Variants in RYR2 observed in about 807,000 individuals in gnomAD.
RYR2 encodes the protein cardiac muscle ryanodine receptor-calcium release channel.
A neutral mutation model predicts 601.1 loss-of-function variants in RYR2; 227 were observed. The observed-to-expected ratio is 0.38, with a 90% confidence interval of 0.34 to 0.42. RYR2 has a LOEUF of 0.42. Among genes scored for constraint, RYR2 ranks in the 10% least tolerant of loss-of-function variants. The pLI, the probability that RYR2 is intolerant of heterozygous loss-of-function variation, is 1.00. For synonymous variants in RYR2, 2,223 were observed against 2,175.1 expected (o/e 1.02, Z -0.61); for missense variants, 4,646 against 6,156.5 (o/e 0.75, Z 8.21).
chr1:237,596,290 T>C (rs936133101), intron 34 of RYR2, among the ~76,000 whole-genome samples: 1 of 152,138 alleles, frequency 6.6e-6, no homozygotes, highest in Non-Finnish European at 1.5e-5. Context: ...ATGCAGATAC[T>C]TCAACAAGAT....
Position 237,784,087 on chromosome 1 carries a change from C to T in RYR2, c.12375C>T (p.Val4125=). The change falls in exon 90 of 105, where the codon GTC becomes GTT. Residue 4125 remains valine, a synonymous_variant. Coordinates refer to ENST00000366574, the MANE Select transcript of RYR2 (RefSeq NM_001035.3). This position sits in a 1 kb window ranked among gnomAD's most constrained non-coding sequence, Gnocchi z 7.1. ...CTTTTCTGGAATTAGCAGAGAGCGTCCTGAATTATTTCCAGCCCTTTCTGG... is the reference window on the plus strand; with the variant it reads ...CTTTTCTGGAATTAGCAGAGAGCGTTCTGAATTATTTCCAGCCCTTTCTGG... ...LQTFLELAES[V]LNYFQPFLGR... 1.2e-6 allele frequency: 2 copies of T among 1,613,996 alleles called. No homozygotes were observed. Among genetic ancestry groups the T allele is most frequent in the Non-Finnish European group, 1.7e-6 (2 of 1,179,890 alleles).
At chr1:237,669,285 C>T (rs1684622213) in intron 58 of RYR2, among the ~76,000 whole-genome samples, 1 of 152,162 alleles carries the variant, frequency 6.6e-6, no homozygotes. Context: ...TCTTTCTACA[C>T]AGACACGGCA....
At chr1:237,414,581 A>G (rs996056101) in intron 10 of RYR2, among the ~76,000 whole-genome samples, 1 of 152,242 alleles carries the variant, frequency 6.6e-6, no homozygotes, top group African/African-American at 2.4e-5. Context: ...TTTATGGGGT[A>G]CAATATGATA....
At chr1:237,387,184 A>G (rs1191190426) in intron 8 of RYR2, 97 bp from the exon 9 acceptor site, 3 of 1,060,878 alleles carry the variant, frequency 2.8e-6, no homozygotes, top group Admixed American at 1.7e-5. Context: ...TATGAACATA[A>G]CCAAATCAGC....
chr1:237,148,505 G>A (rs1674263150), intron 1 of RYR2, among the ~76,000 whole-genome samples: 1 of 80,840 alleles, frequency 1.2e-5, no homozygotes, highest in Non-Finnish European at 2.4e-5. Flanking sequence ...ATGTATCCCA[G>A]AACTTCAAGT....
In RYR2 at chr1:237,687,454, G is replaced by A; in HGVS notation, c.9018-1G>A. ...CTCTTTTGTTTTTCTTTTGTCTTCA[G>A]CCTATTCTGCAAACTTGGAGTTCTT... is the stretch of plus-strand genomic sequence containing the variant. On this transcript the variant is annotated splice_acceptor_variant, in intron 62 of 104. Transcript: ENST00000366574. LOFTEE classifies it high-confidence loss of function. 6.5e-7 allele frequency: 1 copy of A among 1,530,654 alleles called. No homozygotes were observed. Among genetic ancestry groups the A allele is most frequent in the Non-Finnish European group, 8.8e-7 (1 of 1,131,860 alleles). 94.8% of individuals were successfully genotyped at this position (1,530,654 alleles called of 1,614,324 possible).
intron 58 of RYR2, among the ~76,000 whole-genome samples, chr1:237,668,937 A>C (rs1187607275): frequency 6.6e-6 from 1 of 151,768 alleles, no homozygotes. Context: ...GGGATTTGGC[A>C]GGGTCATAGG....
chr1:237,723,308 A>T, intron 74 of RYR2, 46 bp downstream of exon 74: 5 of 1,494,544 alleles, frequency 3.3e-6, no homozygotes, highest in Non-Finnish European at 4.6e-6. Flanking sequence ...AGCCACATAC[A>T]AATATTTTAA....
intron 37 of RYR2, among the ~76,000 whole-genome samples, chr1:237,616,330 C>T (rs1441872756): frequency 6.6e-6 from 1 of 152,188 alleles, no homozygotes; most frequent in African/African-American, 2.4e-5. Context: ...TTTCTACCAA[C>T]ATACTCACTC....
At chr1:237,576,487 G>A (rs932339381) in intron 29 of RYR2, among the ~76,000 whole-genome samples, 4 of 152,116 alleles carry the variant, frequency 2.6e-5, no homozygotes, top group Non-Finnish European at 4.4e-5. Context: ...ATGAGGTAGT[G>A]TGTCAGTATG....
rs959837451 is a variant in RYR2, at chr1:237,106,551, G to A, written c.48+63982G>A. On this transcript the variant is annotated intron_variant, in intron 1 of 104. Transcript: ENST00000366574. The surrounding 1 kb of genome is among the most constrained non-coding windows in gnomAD (Gnocchi z 4.4). ...TCATTCTGGAAATGTGGGGGTTTTCGCTGTCTGTCAGAGAGTCGTGGAGCT... is the reference window on the plus strand; with the variant it reads ...TCATTCTGGAAATGTGGGGGTTTTCACTGTCTGTCAGAGAGTCGTGGAGCT... Among the ~76,000 whole-genome samples the A allele has an allele frequency of 4.6e-5, 7 of 152,140 alleles. No individual in the cohort carries two copies. Among genetic ancestry groups the A allele is most frequent in the African/African-American group, 1.7e-4 (7 of 41,432 alleles).
At chr1:237,345,129 C>T (rs1165613580) in intron 3 of RYR2, among the ~76,000 whole-genome samples, 13 of 152,062 alleles carry the variant, frequency 8.5e-5, no homozygotes, top group Non-Finnish European at 1.5e-4. Flanking sequence ...TTTGAAGTTA[C>T]ATAATGTCTG....
intron 3 of RYR2, among the ~76,000 whole-genome samples, chr1:237,345,475 A>AAAAAAAT (rs1698219564): frequency 6.8e-6 from 1 of 146,380 alleles, no homozygotes; most frequent in Non-Finnish European, 1.5e-5. Context: ...AATAAAAAAT[A>AAAAAAAT]AAAAATAAAA....
At chr1:237,683,456 A>G (rs2148950497) in intron 62 of RYR2, among the ~76,000 whole-genome samples, 1 of 152,292 alleles carries the variant, frequency 6.6e-6, no homozygotes, top group South Asian at 2.1e-4. Flanking sequence ...GTAAAGTAAG[A>G]CCACCTTGGG....
Position 237,713,407 on chromosome 1 carries a change from G to T in RYR2, c.10323+1570G>T, listed in dbSNP as rs534386447. Among the ~76,000 whole-genome samples the T allele has an allele frequency of 4.6e-5, 7 of 152,032 alleles. No individual in the cohort carries two copies. In the East Asian group the frequency reaches 7.7e-4, roughly 17 times the overall value. ...TTTTGTTTTTGTTTTTGTTTGTTTT[G>T]TTTTTTTGAGACGGAGCCTTGCTTT... On this transcript the variant is annotated intron_variant, in intron 71 of 104. Transcript: ENST00000366574.
At chr1:237,315,496 T>G (rs1187636288) in intron 2 of RYR2, among the ~76,000 whole-genome samples, 1 of 152,172 alleles carries the variant, frequency 6.6e-6, no homozygotes, top group Non-Finnish European at 1.5e-5. Context: ...AAATATTTTT[T>G]GGTGGTCCAT....
chr1:237,573,563 C>T (rs1331291243), intron 29 of RYR2, among the ~76,000 whole-genome samples: 1 of 148,880 alleles, frequency 6.7e-6, no homozygotes, highest in Non-Finnish European at 1.5e-5. Context: ...AGGAACAACC[C>T]TATCCTCTTC....
intron 24 of RYR2, among the ~76,000 whole-genome samples, chr1:237,519,499 C>T (rs1666884774): frequency 6.6e-6 from 1 of 152,118 alleles, no homozygotes. Context: ...CTGCATATGG[C>T]CATCCAGTTT....
chr1:237,107,291 G>A (rs1245723883), intron 1 of RYR2, among the ~76,000 whole-genome samples: 2 of 151,554 alleles, frequency 1.3e-5, no homozygotes, highest in Non-Finnish European at 2.9e-5. Flanking sequence ...GGAGGCTGAG[G>A]CGGGCGGATC....
Sources: gnomAD v4.1 joint callset for allele counts (sites outside exome capture counted in the v4.1 genomes callset) on GRCh38, gnomAD v4.1.1 for gene constraint, Gnocchi (gnomAD v3.1) non-coding constraint, MANE v1.5 for transcripts, NCBI Gene and HGNC (gene_info 2026-07-23, HGNC 2026-07-21) for gene names.